AUTS2: variants seen among roughly 807,000 people sequenced by gnomAD.
AUTS2 encodes the protein autism susceptibility gene 2 protein.
Under a neutral mutation model 112.4 loss-of-function variants are expected in AUTS2, and 17 were observed. The ratio of observed to expected loss-of-function variants is 0.15; its 90% CI spans 0.10 to 0.23. AUTS2 has a LOEUF of 0.23. AUTS2 is among the 10% of genes least tolerant of loss of function. AUTS2 has a pLI of 1.00. For missense variants in AUTS2, 1,510 were observed against 1,701.6 expected, an observed-to-expected ratio of 0.89 and a Z score of 1.98; for synonymous variants, 751 against 702.7, an observed-to-expected ratio of 1.07 and a Z score of -1.09.
chr7:69,883,910 A>G (rs943622183), intron 1 of AUTS2, among the ~76,000 whole-genome samples: 1 of 152,184 alleles, frequency 6.6e-6, no homozygotes, highest in Non-Finnish European at 1.5e-5. Context: ...AGTGGTTTTC[A>G]TAGGCTGTGA....
intron 1 of AUTS2, among the ~76,000 whole-genome samples, chr7:69,601,111 T>TC (rs1792381708): frequency 6.6e-6 from 1 of 151,588 alleles, no homozygotes; most frequent in African/African-American, 2.4e-5. Flanking sequence ...CCTAATTTCC[T>TC]CCCCCACCTC....
chr7:70,752,965 C>A (rs1451163776), intron 6 of AUTS2, among the ~76,000 whole-genome samples: 3 of 152,174 alleles, frequency 2.0e-5, no homozygotes. Context: ...GTGGTTGATA[C>A]ACCCCCCTTG....
intron 5 of AUTS2, among the ~76,000 whole-genome samples, chr7:70,470,357 G>A (rs1797332613): frequency 6.6e-6 from 1 of 152,194 alleles, no homozygotes; most frequent in African/African-American, 2.4e-5. Flanking sequence ...TCAAAACCCA[G>A]GAGATGTGGT....
chr7:69,967,520 C>T (rs963324933), intron 2 of AUTS2, among the ~76,000 whole-genome samples: 1 of 152,082 alleles, frequency 6.6e-6, no homozygotes, highest in African/African-American at 2.4e-5. Flanking sequence ...GTTTTAGGAG[C>T]TCAGGGAAGG....
intron 5 of AUTS2, among the ~76,000 whole-genome samples, chr7:70,590,022 G>GAA (rs1799021979): frequency 6.6e-6 from 1 of 152,174 alleles, no homozygotes; most frequent in South Asian, 2.1e-4. Context: ...TGGCCACAAT[G>GAA]ACTTAGGTAT....
chr7:69,849,471 A>G (rs1445460954), intron 1 of AUTS2, among the ~76,000 whole-genome samples: 1 of 152,034 alleles, frequency 6.6e-6, no homozygotes, highest in Middle Eastern at 3.2e-3. Context: ...TTTCATCATC[A>G]CGAAGATCTC....
At chr7:69,931,032 A>G (rs1311578677) in intron 2 of AUTS2, among the ~76,000 whole-genome samples, 2 of 152,066 alleles carry the variant, frequency 1.3e-5, no homozygotes, top group Non-Finnish European at 2.9e-5. Flanking sequence ...ATATTTGTTT[A>G]GATCTTTTAA....
chr7:69,731,990 AGTTTTTT>A (rs1182176404), intron 1 of AUTS2, among the ~76,000 whole-genome samples: 5 of 152,152 alleles, frequency 3.3e-5, no homozygotes, highest in East Asian at 3.9e-4. Flanking sequence ...AATTACAAAT[AGTTTTTT>A]GTTTTTTGTT....
At chr7:70,213,291 C>CT (rs1205453766) in intron 4 of AUTS2, among the ~76,000 whole-genome samples, 2 of 150,430 alleles carry the variant, frequency 1.3e-5, no homozygotes, top group African/African-American at 4.9e-5. Flanking sequence ...CTTTGTGAGT[C>CT]TGAGGCAGTA....
At chr7:70,241,064 G>A (rs1231123581) in intron 4 of AUTS2, among the ~76,000 whole-genome samples, 1 of 152,118 alleles carries the variant, frequency 6.6e-6, no homozygotes, top group African/African-American at 2.4e-5. Flanking sequence ...TTGAGCAATT[G>A]GGAAGCCTTC....
intron 4 of AUTS2, among the ~76,000 whole-genome samples, chr7:70,394,346 C>T (rs951991997): frequency 2.6e-5 from 4 of 152,210 alleles, no homozygotes; most frequent in African/African-American, 9.6e-5. Context: ...TGATGCTTGA[C>T]AGGTTATGCA....
chr7:70,382,686 T>G lies in AUTS2; in HGVS notation c.661-53066T>G, dbSNP rs139894567. Among the ~76,000 whole-genome samples, 79 of 152,298 alleles carry G rather than the reference T, an allele frequency of 5.2e-4. 2 individuals carry two copies. The highest frequency in any genetic ancestry group is 1.9e-3 in the African/African-American group (78 of 41,564). On this transcript the variant is annotated intron_variant, in intron 4 of 18. Transcript: ENST00000342771. ...CATTATGCAGCTTTGCCCCACTCCG[T>G]ACTCATCATCATCCTCTGTGTACAA...
intron 4 of AUTS2, chr7:70,290,802 A>C: frequency 2.6e-6 from 1 of 388,966 alleles, no homozygotes; most frequent in Non-Finnish European, 4.0e-6. Context: ...GCTTGCCAAG[A>C]AGCAAAGTCA....
intron 4 of AUTS2, among the ~76,000 whole-genome samples, chr7:70,281,747 A>G (rs979813473): frequency 6.6e-6 from 1 of 152,362 alleles, no homozygotes; most frequent in South Asian, 2.1e-4. Context: ...TACATATTGT[A>G]TCAATAAGCA....
At chr7:70,017,430 T>G (rs1316305971) in intron 2 of AUTS2, among the ~76,000 whole-genome samples, 1 of 152,248 alleles carries the variant, frequency 6.6e-6, no homozygotes, top group African/African-American at 2.4e-5. Context: ...CAGTCCTTAA[T>G]CACTGTAACC....
At chr7:70,674,166 G>C (rs1807791841) in intron 5 of AUTS2, among the ~76,000 whole-genome samples, 1 of 152,238 alleles carries the variant, frequency 6.6e-6, no homozygotes, top group Admixed American at 6.5e-5. Context: ...GTGTGCTAAA[G>C]GGGCGGTGGG....
intron 5 of AUTS2, among the ~76,000 whole-genome samples, chr7:70,442,575 C>T (rs1382805297): frequency 2.0e-5 from 3 of 152,262 alleles, no homozygotes; most frequent in African/African-American, 7.2e-5. Context: ...ACTGAACCCT[C>T]CCACTCCTTG....
intron 5 of AUTS2, among the ~76,000 whole-genome samples, chr7:70,573,172 T>C (rs551796347): frequency 1.3e-5 from 2 of 152,230 alleles, no homozygotes; most frequent in African/African-American, 4.8e-5. Flanking sequence ...CTGTGTGGGG[T>C]TGGAATGGGG....
At chr7:70,182,410 C>T (rs1809365895) in intron 4 of AUTS2, among the ~76,000 whole-genome samples, 1 of 152,162 alleles carries the variant, frequency 6.6e-6, no homozygotes, top group Non-Finnish European at 1.5e-5. Flanking sequence ...TCCTCTTATA[C>T]CCTTCGTCTA....
Sources: gnomAD v4.1 joint callset for allele counts (sites outside exome capture counted in the v4.1 genomes callset) on GRCh38, gnomAD v4.1.1 for gene constraint, MANE v1.5 for transcripts, NCBI Gene and HGNC (gene_info 2026-07-23, HGNC 2026-07-21) for gene names.